ISY1: variants seen among roughly 807,000 people sequenced by gnomAD.
ISY1 encodes pre-mRNA-splicing factor ISY1 homolog.
A neutral mutation model predicts 54.4 loss-of-function variants in ISY1; 12 were observed. The observed-to-expected ratio is 0.22, with a 90% CI of 0.14 to 0.36. The LOEUF (loss-of-function observed/expected upper bound fraction) is 0.36, where lower values mean the gene tolerates loss of function less well. Ranked by LOEUF, ISY1 falls within the 10% of genes least tolerant of loss-of-function variation. ISY1 has a pLI of 1.00. For missense variants in ISY1, 282 were observed against 342.2 expected (o/e 0.82, Z 1.39); for synonymous variants, 96 against 117.9 (o/e 0.81, Z 1.20).
intron 7 of ISY1, among the ~76,000 whole-genome samples, chr3:129,135,725 C>T (rs1465753045): frequency 5.3e-5 from 8 of 150,398 alleles, no homozygotes; most frequent in Non-Finnish European, 3.0e-5. Flanking sequence ...AAGACTGCAC[C>T]ACTGCACTGC....
chr3:129,144,976 T>C (rs1936726592), intron 6 of ISY1, among the ~76,000 whole-genome samples: 3 of 152,334 alleles, frequency 2.0e-5, no homozygotes, highest in Non-Finnish European at 1.5e-5. Context: ...AATGGCATGA[T>C]GACAGCTCAC....
intron 5 of ISY1, among the ~76,000 whole-genome samples, chr3:129,148,158 T>G (rs1051785374): frequency 1.3e-5 from 2 of 152,140 alleles, no homozygotes; most frequent in African/African-American, 4.8e-5. Flanking sequence ...CTGAGTATTA[T>G]TTTATTTTAT....
intron 6 of ISY1, among the ~76,000 whole-genome samples, chr3:129,141,446 C>A (rs975679644): frequency 2.6e-5 from 4 of 151,798 alleles, no homozygotes; most frequent in Non-Finnish European, 4.4e-5. Context: ...GAGCAAGACC[C>A]TGTCTCAAAA....
chr3:129,141,224 A>G (rs1936600242), intron 6 of ISY1, among the ~76,000 whole-genome samples: 1 of 149,310 alleles, frequency 6.7e-6, no homozygotes, highest in Non-Finnish European at 1.5e-5. Context: ...TAAATAAATA[A>G]ATAAATAAAA....
intron 7 of ISY1, chr3:129,137,057 G>C (rs1936429989): frequency 6.5e-6 from 1 of 154,596 alleles, no homozygotes; most frequent in Admixed American, 6.6e-5. Context: ...ACCATGCCCA[G>C]CTAATTTTTT....
chr3:129,135,300 C>T (rs921505011), intron 7 of ISY1, among the ~76,000 whole-genome samples: 4 of 151,948 alleles, frequency 2.6e-5, no homozygotes, highest in Non-Finnish European at 2.9e-5. Flanking sequence ...GCCGAGATCA[C>T]GCCACTGCAC....
At chr3:129,160,875 A>G in intron 1 of ISY1, 98 bp downstream of exon 1, 1 of 1,440,632 alleles carries the variant, frequency 6.9e-7, no homozygotes, top group Admixed American at 2.0e-5. Context: ...TCAGCACTGC[A>G]CGTCTGAGCC....
intron 7 of ISY1, among the ~76,000 whole-genome samples, chr3:129,139,364 C>G (rs2066756732): frequency 6.6e-6 from 1 of 152,126 alleles, no homozygotes; most frequent in Admixed American, 6.6e-5. Context: ...TTAAAATAAG[C>G]AGCATTTAAT....
intron 1 of ISY1, among the ~76,000 whole-genome samples, chr3:129,159,819 C>T (rs1486055115): frequency 1.3e-5 from 2 of 152,176 alleles, no homozygotes; most frequent in African/African-American, 2.4e-5. Context: ...AGAGATCATA[C>T]CTCATCTTAC....
chr3:129,152,161 GA>G (rs570934718), intron 5 of ISY1, among the ~76,000 whole-genome samples: 17 of 147,056 alleles, frequency 1.2e-4, no homozygotes, highest in Admixed American at 4.1e-4. Context: ...CTCCGTCTCA[GA>G]AAAAAAAAAG....
chr3:129,150,324 T>A (rs147257071), intron 5 of ISY1, among the ~76,000 whole-genome samples: 6 of 152,180 alleles, frequency 3.9e-5, no homozygotes, highest in Non-Finnish European at 1.5e-5. Flanking sequence ...AACAGCACAG[T>A]GTATCTCCCC....
intron 5 of ISY1, among the ~76,000 whole-genome samples, chr3:129,151,446 T>C (rs930016585): frequency 1.3e-5 from 2 of 151,590 alleles, no homozygotes; most frequent in Non-Finnish European, 2.9e-5. Flanking sequence ...CTGGCCAACA[T>C]GGCGAAACTC....
At chr3:129,148,312 T>C (rs939914253) in intron 5 of ISY1, among the ~76,000 whole-genome samples, 6 of 152,174 alleles carry the variant, frequency 3.9e-5, no homozygotes, top group African/African-American at 2.4e-5. Context: ...AGGAGTGGAA[T>C]TGATGGATCA....
At position 129,151,957 on chromosome 3, in the gene ISY1, G is replaced by C. The variant is rs917910172; in HGVS notation, c.187+4676C>G. Among the ~76,000 whole-genome samples, 3 of 152,164 alleles carry C rather than the reference G, an allele frequency of 2.0e-5. No homozygotes were observed. In the East Asian group the frequency reaches 5.8e-4, roughly 29 times the overall value. ...GTGGATCACCTGAGGTTGGGAATTCGAGACCAGCCTTGCCAACATGGTAAA... is the reference window on the plus strand; with the variant it reads ...GTGGATCACCTGAGGTTGGGAATTCCAGACCAGCCTTGCCAACATGGTAAA... On this transcript the variant is annotated intron_variant, in intron 5 of 10. Coordinates refer to ENST00000393295, the MANE Select transcript of ISY1 (RefSeq NM_020701.4).
chr3:129,135,408 A>G (rs1477536123), intron 7 of ISY1, among the ~76,000 whole-genome samples: 1 of 152,156 alleles, frequency 6.6e-6, no homozygotes, highest in Non-Finnish European at 1.5e-5. Flanking sequence ...TTTAAGTGGT[A>G]GAGCCCTTTT....
At chr3:129,153,041 G>A (rs1046022129) in intron 5 of ISY1, among the ~76,000 whole-genome samples, 10 of 138,488 alleles carry the variant, frequency 7.2e-5, no homozygotes, top group African/African-American at 2.4e-4. Flanking sequence ...ATGGACTGTC[G>A]CTCTGTCACC....
chr3:129,147,461 C>T (rs910673499), intron 5 of ISY1, among the ~76,000 whole-genome samples: 4 of 152,222 alleles, frequency 2.6e-5, no homozygotes, highest in Non-Finnish European at 5.9e-5. Flanking sequence ...AGACCTGCCA[C>T]CACCATGGTG....
intron 6 of ISY1, 148 bp from the exon 7 acceptor site, chr3:129,140,633 T>TG: frequency 1.2e-6 from 1 of 814,602 alleles, no homozygotes; most frequent in Non-Finnish European, 1.9e-6. Flanking sequence ...TGGAGTGCAG[T>TG]AGCACAATCT....
chr3:129,146,134 C>A (rs937541643), intron 5 of ISY1, among the ~76,000 whole-genome samples: 1 of 151,756 alleles, frequency 6.6e-6, no homozygotes, highest in Non-Finnish European at 1.5e-5. Context: ...AAAATATAAA[C>A]AACCCTGAAA....
Sources: gnomAD v4.1 joint callset for allele counts (sites outside exome capture counted in the v4.1 genomes callset) on GRCh38, gnomAD v4.1.1 for gene constraint, MANE v1.5 for transcripts, NCBI Gene and HGNC (gene_info 2026-07-23, HGNC 2026-07-21) for gene names.